The following TCF12 variants were observed in gnomAD, a reference collection of about 807,000 sequenced individuals.
TCF12 encodes the protein DNA-binding protein HTF4.
In TCF12, 45 loss-of-function variants were observed where a neutral mutation model predicts 86.0. The ratio of observed to expected loss-of-function variants is 0.52; its 90% CI spans 0.41 to 0.67. The LOEUF (loss-of-function observed/expected upper bound fraction) is 0.67. Among genes scored for constraint, TCF12 ranks in the 30% least tolerant of loss-of-function variants. The pLI, the probability that TCF12 is intolerant of heterozygous loss-of-function variation, is 0.00. For synonymous variants in TCF12, 330 were observed against 299.6 expected, an observed-to-expected ratio of 1.10 and a Z score of -1.05; for missense variants, 881 against 859.9, an observed-to-expected ratio of 1.02 and a Z score of -0.31.
At chr15:57,183,946 C>G (rs767939559) in intron 6 of TCF12, among the ~76,000 whole-genome samples, 11 of 152,118 alleles carry the variant, frequency 7.2e-5, no homozygotes, top group Non-Finnish European at 1.5e-4. Context: ...AGGAAATACA[C>G]TTCCTGTTCA....
chr15:57,105,290 C>T (rs1026205576), intron 5 of TCF12, among the ~76,000 whole-genome samples: 2 of 152,198 alleles, frequency 1.3e-5, no homozygotes, highest in Admixed American at 1.3e-4. Flanking sequence ...ATCGCCATCT[C>T]TTAATGTTCC....
rs1282722715 is a variant in TCF12 at position 56,930,026 on chromosome 15, C to G, written c.148+8928C>G. Among the ~76,000 whole-genome samples the G allele has an allele frequency of 3.3e-4, 50 of 152,168 alleles. 3 individuals carry two copies. ...GCTATTTCCAGGCTTTAAAAATGAA[C>G]AAGATTGACTCATAATTACTCTTTC... is the stretch of plus-strand genomic sequence containing the variant. On this transcript the variant is annotated intron_variant, in intron 3 of 20. Transcript: ENST00000333725.
At chr15:57,225,601 ACAGAT>A (rs2058838461) in intron 8 of TCF12, among the ~76,000 whole-genome samples, 1 of 152,158 alleles carries the variant, frequency 6.6e-6, no homozygotes, top group Non-Finnish European at 1.5e-5. Context: ...ATACAAAATA[ACAGAT>A]CAGAATGATC....
At chr15:57,152,948 GA>G (rs140944399) in intron 5 of TCF12, among the ~76,000 whole-genome samples, 2 of 149,158 alleles carry the variant, frequency 1.3e-5, no homozygotes, top group East Asian at 3.9e-4. Flanking sequence ...ACCAGAGGCA[GA>G]AAAAAAAACA....
intron 5 of TCF12, among the ~76,000 whole-genome samples, chr15:57,149,229 G>T (rs1421936774): frequency 1.3e-5 from 2 of 152,130 alleles, no homozygotes; most frequent in Non-Finnish European, 2.9e-5. Flanking sequence ...TTCATGCCCT[G>T]TGGTTATCTG....
At chr15:56,924,004 C>T (rs2059902158) in intron 3 of TCF12, among the ~76,000 whole-genome samples, 1 of 151,718 alleles carries the variant, frequency 6.6e-6, no homozygotes, top group Non-Finnish European at 1.5e-5. Flanking sequence ...TTTCATTTTT[C>T]AGTTACTGAT....
intron 6 of TCF12, among the ~76,000 whole-genome samples, chr15:57,168,356 G>A (rs1356094831): frequency 6.6e-6 from 1 of 152,142 alleles, no homozygotes; most frequent in Non-Finnish European, 1.5e-5. Flanking sequence ...AAATAGAAAA[G>A]CAGCAATTGA....
At chr15:56,953,458 C>CT (rs1258937375) in intron 3 of TCF12, among the ~76,000 whole-genome samples, 2 of 151,804 alleles carry the variant, frequency 1.3e-5, no homozygotes, top group Non-Finnish European at 2.9e-5. Flanking sequence ...TGGTATGTTT[C>CT]TTTTTTTCTA....
chr15:57,238,046 T>A (rs1266588780), intron 12 of TCF12, among the ~76,000 whole-genome samples: 1 of 152,226 alleles, frequency 6.6e-6, no homozygotes, highest in Non-Finnish European at 1.5e-5. Flanking sequence ...CTGTCTGTCA[T>A]CACTTTAACT....
intron 4 of TCF12, among the ~76,000 whole-genome samples, chr15:57,075,501 C>T (rs572605273): frequency 6.6e-6 from 1 of 151,942 alleles, no homozygotes; most frequent in East Asian, 1.9e-4. Context: ...AAAGGGAGTC[C>T]TCATTCTTAT....
chr15:57,054,658 A>G (rs2067864546), intron 3 of TCF12, among the ~76,000 whole-genome samples: 2 of 148,632 alleles, frequency 1.3e-5, no homozygotes, highest in South Asian at 4.2e-4. Context: ...AGGTCTACTA[A>G]TTTGTTTGTT....
intron 5 of TCF12, among the ~76,000 whole-genome samples, chr15:57,149,667 G>T (rs976879404): frequency 1.3e-5 from 2 of 152,104 alleles, no homozygotes; most frequent in African/African-American, 4.8e-5. Context: ...GTAAAGTCTC[G>T]CTGAGTAGGA....
At chr15:57,291,307 G>A (rs1456896503), downstream of TCF12, among the ~76,000 whole-genome samples, 3 of 152,084 alleles carry the variant, frequency 2.0e-5, no homozygotes, top group East Asian at 1.9e-4. Context: ...TATGTAAATC[G>A]TTATTATGCT....
intron 3 of TCF12, among the ~76,000 whole-genome samples, chr15:57,038,272 A>C (rs2066642632): frequency 6.6e-6 from 1 of 151,966 alleles, no homozygotes; most frequent in Non-Finnish European, 1.5e-5. Context: ...TCTCTGTTAA[A>C]AAAAAAATTG....
chr15:57,232,425 C>A lies in TCF12; in HGVS notation c.820C>A (p.Arg274Ser), dbSNP rs1462402603. Residue 274 changes from arginine (R) to serine (S), a missense_variant, in exon 10 of 21, where the codon CGC becomes AGC. Physicochemically the swap from Arg to Ser is moderately radical, Grantham distance 110. This residue lies in a region of TCF12 where 766 missense variants were observed against 718.9 expected (regional missense o/e 1.07). Transcript: ENST00000333725. Reference protein sequence around the residue: ...SSYGNLHSHDRLSYPPHSVSP... With the variant: ...SSYGNLHSHDSLSYPPHSVSP... ...TTATGGCAACCTTCATTCACATGAC[C>A]GCTTGGTAGGCTATAACACGTGACT... 4.4e-6 allele frequency: 7 copies of A among 1,604,724 alleles called. No individual in the cohort carries two copies. The Admixed American group carries it at 5.2e-5, about 12-fold the overall frequency.
chr15:57,112,445 C>G (rs552492732), intron 5 of TCF12, among the ~76,000 whole-genome samples: 6 of 152,210 alleles, frequency 3.9e-5, no homozygotes, highest in African/African-American at 1.4e-4. Flanking sequence ...TAACTGTGAC[C>G]GATTGTGCCT....
At chr15:57,061,443 A>G (rs972817912) in intron 3 of TCF12, among the ~76,000 whole-genome samples, 5 of 152,180 alleles carry the variant, frequency 3.3e-5, no homozygotes, top group African/African-American at 1.2e-4. Flanking sequence ...AAATAAAAAA[A>G]AAAATTAATG....
intron 5 of TCF12, among the ~76,000 whole-genome samples, chr15:57,126,047 A>G (rs1596668520): frequency 2.0e-5 from 3 of 152,284 alleles, no homozygotes; most frequent in Middle Eastern, 3.4e-3. Context: ...CCTGGGCAAC[A>G]TGATGAAACC....
intron 5 of TCF12, among the ~76,000 whole-genome samples, chr15:57,163,321 T>A (rs1039887526): frequency 1.5e-4 from 23 of 152,242 alleles, no homozygotes; most frequent in Non-Finnish European, 2.8e-4. Context: ...AAAGTATACA[T>A]GTCATGCTGA....
Sources: allele counts gnomAD v4.1 joint callset (sites outside exome capture counted in the v4.1 genomes callset), GRCh38; gene constraint gnomAD v4.1.1; regional missense constraint gnomAD v4.1.1; transcripts MANE v1.5; gene names NCBI Gene and HGNC (gene_info 2026-07-23, HGNC 2026-07-21).